The following HOXB3 variants were observed in gnomAD, a reference collection of about 807,000 sequenced individuals.
HOXB3 encodes homeobox B3, also known as homeobox protein Hox-B3.
Under a neutral mutation model 29.2 loss-of-function variants are expected in HOXB3, and 17 were observed. The observed-to-expected ratio is 0.58, with a 90% CI of 0.40 to 0.87. HOXB3 has a LOEUF of 0.87. Ranked by LOEUF, HOXB3 falls within the 40% of genes least tolerant of loss-of-function variation. The pLI is 0.00. For synonymous variants in HOXB3, 317 were observed against 285.9 expected (o/e 1.11, Z -1.10); for missense variants, 637 against 616.3 (o/e 1.03, Z -0.35).
At chr17:48,564,263 G>C (rs2069304619) in intron 2 of HOXB3, among the ~76,000 whole-genome samples, 1 of 151,668 alleles carries the variant, frequency 6.6e-6, no homozygotes, top group Non-Finnish European at 1.5e-5. Context: ...GCCGGGCGCT[G>C]GGTGCGCGCG....
chr17:48,550,582 G>T lies in HOXB3; in HGVS notation c.1048C>A (p.Pro350Thr), dbSNP rs780607303. The change falls in exon 5 of 5, where the codon CCG becomes ACG. Residue 350 changes from proline (P) to threonine (T), a missense_variant. Coordinates refer to ENST00000498678, the MANE Select transcript of HOXB3 (RefSeq NM_001384749.1). ...AYGTPTMQGS[P>T]VYVGGGGYAD... is the part of the protein sequence containing the mutation. ...TAGCCGCCCCCGCCCACGTACACCG[G>T]ACTGCCCTGCATGGTGGGCGTCCCG... 1.3e-6 allele frequency: 2 copies of T among 1,530,224 alleles called. No individual in the cohort carries two copies. Among genetic ancestry groups the T allele is most frequent in the Non-Finnish European group, 8.7e-7 (1 of 1,148,464 alleles). 94.8% of individuals were successfully genotyped at this position (1,530,224 alleles called of 1,614,324 possible). A position where few individuals can be genotyped will look rare whatever the true frequency, so the allele number is the denominator to read the frequency against.
chr17:48,578,265 G>T (rs765594322), intron 1 of HOXB3: 1 of 1,614,000 alleles, frequency 6.2e-7, no homozygotes, highest in Admixed American at 1.7e-5. Flanking sequence ...TCCTCGCATG[G>T]AGGGAACTTG....
chr17:48,583,617 G>C (rs1421169578), intron 1 of HOXB3, among the ~76,000 whole-genome samples: 2 of 152,200 alleles, frequency 1.3e-5, no homozygotes, highest in Non-Finnish European at 2.9e-5. Context: ...CACCCAGCTT[G>C]GTCCAGAATG....
chr17:48,576,869 C>T (rs773651269), intron 1 of HOXB3: 1 of 1,614,242 alleles, frequency 6.2e-7, no homozygotes, highest in Non-Finnish European at 8.5e-7. Flanking sequence ...TGATCTGGCG[C>T]TCGGAGAGGC....
intron 1 of HOXB3, chr17:48,582,369 C>G (rs1235714518): frequency 6.6e-6 from 1 of 152,226 alleles, no homozygotes; most frequent in East Asian, 1.9e-4. Context: ...CTCCTGTCCA[C>G]TATTGTGTGT....
At position 48,552,634 on chromosome 17, in the gene HOXB3, T is replaced by TGCGAG. The variant is rs2068809849; in HGVS notation, c.-158-7_-158-3dup. ...CGGGGTCTGTTCCAAGCGGCTGACC[T>TGCGAG]GCGAGGCGAGAGAAGAGACACAAGG... On this transcript the variant is annotated splice_polypyrimidine_tract_variant and splice_region_variant and intron_variant, in intron 3 of 4. Coordinates refer to ENST00000498678, the MANE Select transcript of HOXB3 (RefSeq NM_001384749.1). The TGCGAG allele has an allele frequency of 1.8e-6, 1 of 556,610 alleles. No individual in the cohort carries two copies. Among genetic ancestry groups the TGCGAG allele is most frequent in the Non-Finnish European group, 3.0e-6 (1 of 328,492 alleles). The allele number at this position is 556,610 out of a possible 1,614,324, so 34.5% of individuals were successfully genotyped here.
Position 48,550,400 on chromosome 17 carries a change from G to A in HOXB3, c.1230C>T (p.Leu410=), listed in dbSNP as rs1306808797. 6.2e-7 allele frequency: 1 copy of A among 1,614,126 alleles called. No homozygotes were observed. The highest frequency in any genetic ancestry group is 2.2e-5 in the East Asian group (1 of 44,868). ...PCEPHPTYTD[L]SSHHAPPPQG... is the part of the protein sequence containing the mutation. Reference sequence around the variant, plus strand: ...GAGGAGGAGGCGCGTGGTGAGAGGAGAGGTCTGTGTAGGTGGGGTGGGGTT... The same window carrying A: ...GAGGAGGAGGCGCGTGGTGAGAGGAAAGGTCTGTGTAGGTGGGGTGGGGTT... The change falls in exon 5 of 5, where the codon CTC becomes CTT. Residue 410 remains leucine, a synonymous_variant. Coordinates refer to ENST00000498678, the MANE Select transcript of HOXB3 (RefSeq NM_001384749.1).
chr17:48,575,269 C>A (rs1021510795), intron 1 of HOXB3: 1 of 152,202 alleles, frequency 6.6e-6, no homozygotes, highest in Non-Finnish European at 1.5e-5. Context: ...CCTTTCAATC[C>A]ATTTTTGGAC....
In HOXB3 at chr17:48,551,187, T is replaced by A; in HGVS notation, c.449-6A>T. The A allele has an allele frequency of 7.8e-7, 1 of 1,283,402 alleles. No individual in the cohort carries two copies. The highest frequency in any genetic ancestry group is 3.0e-4 in the Middle Eastern group (1 of 3,340). 79.5% of individuals were successfully genotyped at this position (1,283,402 alleles called of 1,614,324 possible). On this transcript the variant is annotated splice_region_variant and splice_polypyrimidine_tract_variant and intron_variant, in intron 4 of 4. Coordinates refer to ENST00000498678, the MANE Select transcript of HOXB3 (RefSeq NM_001384749.1). ...GCCGCCACCACAGCCCTCTGCTGGA[T>A]CCGAGGGGGAGGGGTGGGAAGGGGA... is the stretch of plus-strand genomic sequence containing the variant.
intron 1 of HOXB3, chr17:48,574,916 T>C (rs1296342146): frequency 6.6e-6 from 1 of 152,264 alleles, no homozygotes; most frequent in Non-Finnish European, 1.5e-5. Context: ...TTGTCAGAGT[T>C]TGAGCTATGG....
rs2068642506 is a variant in HOXB3 at position 48,549,726 on chromosome 17, G to C, written c.*608C>G. On this transcript the variant is annotated 3_prime_UTR_variant, in exon 5 of 5. Coordinates refer to ENST00000498678, the MANE Select transcript of HOXB3 (RefSeq NM_001384749.1). ...GCCCTCTAAAAACTGTAATTGATGG[G>C]GGTGGGATGTATAGATATGAATGTT... The C allele has an allele frequency of 1.3e-5, 2 of 153,268 alleles. No homozygotes were observed. The highest frequency in any genetic ancestry group is 4.1e-4 in the South Asian group (2 of 4,858). The allele number at this position is 153,268 out of a possible 1,614,324, so 9.5% of individuals were successfully genotyped here. A position where few individuals can be genotyped will look rare whatever the true frequency, so the allele number is the denominator to read the frequency against.
At position 48,550,572 on chromosome 17, in the gene HOXB3, A is replaced by G; in HGVS notation, c.1058T>C (p.Val353Ala). ...TPTMQGSPVY[V>A]GGGGYADPLP... The stretch of plus-strand genomic sequence containing the variant: ...CGGATCCGCGTAGCCGCCCCCGCCC[A>G]CGTACACCGGACTGCCCTGCATGGT... Residue 353 changes from valine (V) to alanine (A), a missense_variant, in exon 5 of 5, where the codon GTG becomes GCG. Coordinates refer to ENST00000498678, the MANE Select transcript of HOXB3 (RefSeq NM_001384749.1). The G allele has an allele frequency of 6.5e-7, 1 of 1,528,924 alleles. No homozygotes were observed. The highest frequency in any genetic ancestry group is 1.4e-5 in the African/African-American group (1 of 71,944). The allele number at this position is 1,528,924 out of a possible 1,614,324, so 94.7% of individuals were successfully genotyped here.
intron 2 of HOXB3, among the ~76,000 whole-genome samples, chr17:48,562,155 A>G (rs2069219878): frequency 6.6e-6 from 1 of 152,182 alleles, no homozygotes; most frequent in African/African-American, 2.4e-5. Flanking sequence ...CAAAAGTGCT[A>G]TATTTAGACA....
In HOXB3 at chr17:48,554,879, G is replaced by A; in HGVS notation, c.-159+652C>T. 1 of 698,578 alleles carries A rather than the reference G, an allele frequency of 1.4e-6. No homozygotes were observed. The highest frequency in any genetic ancestry group is 2.6e-6 in the Non-Finnish European group (1 of 382,190). The allele number at this position is 698,578 out of a possible 1,614,324, so 43.3% of individuals were successfully genotyped here. On this transcript the variant is annotated intron_variant, in intron 3 of 4. Coordinates refer to ENST00000498678, the MANE Select transcript of HOXB3 (RefSeq NM_001384749.1). The surrounding 1 kb of genome is among the most constrained non-coding windows in gnomAD (Gnocchi z 4.1). ...CAGTGGGAAGAGAGAAAGGTGCTAA[G>A]GGGACCCAAGATCTGGGATCCAGAA...
chr17:48,588,039 A>G (rs2070079333), intron 1 of HOXB3, among the ~76,000 whole-genome samples: 1 of 152,146 alleles, frequency 6.6e-6, no homozygotes, highest in Admixed American at 6.5e-5. Context: ...AAAGCCCTGG[A>G]GAGAGTAGAG....
intron 3 of HOXB3, chr17:48,553,479 A>G (rs2068845295): frequency 1.3e-5 from 2 of 149,804 alleles, no homozygotes; most frequent in South Asian, 4.2e-4. Context: ...CATGAGACTT[A>G]ATTTTTCCCA....
At position 48,555,556 on chromosome 17, in the gene HOXB3, G is replaced by A. The variant is rs1200823391; in HGVS notation, c.-184C>T. 9 of 702,766 alleles carry A rather than the reference G, an allele frequency of 1.3e-5. No homozygotes were observed. The highest frequency in any genetic ancestry group is 2.3e-5 in the Non-Finnish European group (9 of 384,822). The allele number at this position is 702,766 out of a possible 1,614,324, so 43.5% of individuals were successfully genotyped here. Reference sequence around the variant, plus strand: ...CTTAGCCACCGACGAGGGGAGAACAGGCAGACATAATATATATTCACATCG... The same window carrying A: ...CTTAGCCACCGACGAGGGGAGAACAAGCAGACATAATATATATTCACATCG... On this transcript the variant is annotated 5_prime_UTR_variant, in exon 3 of 5. Coordinates refer to ENST00000498678, the MANE Select transcript of HOXB3 (RefSeq NM_001384749.1).
chr17:48,584,888 C>T (rs942031469), intron 1 of HOXB3, among the ~76,000 whole-genome samples: 2 of 151,944 alleles, frequency 1.3e-5, no homozygotes, highest in African/African-American at 2.4e-5. Context: ...CTCCCTCGTC[C>T]GTCTTCACAC....
At chr17:48,584,395 G>C (rs570407328) in intron 1 of HOXB3, among the ~76,000 whole-genome samples, 1 of 152,314 alleles carries the variant, frequency 6.6e-6, no homozygotes, top group Admixed American at 6.5e-5. Flanking sequence ...CATGCTCATG[G>C]ACCCCACCTT....
Sources: gnomAD v4.1 joint callset for allele counts (sites outside exome capture counted in the v4.1 genomes callset) on GRCh38, gnomAD v4.1.1 for gene constraint, Gnocchi (gnomAD v3.1) non-coding constraint, MANE v1.5 for transcripts, NCBI Gene and HGNC (gene_info 2026-07-23, HGNC 2026-07-21) for gene names.